Variants in ARHGAP24 observed in about 807,000 individuals in gnomAD.
ARHGAP24 encodes the protein Rho GTPase activating protein 24, also known as rho GTPase-activating protein 24.
Under a neutral mutation model 76.4 loss-of-function variants are expected in ARHGAP24, and 50 were observed. That is an observed-to-expected ratio of 0.65 (90% CI 0.52 to 0.83). The LOEUF is 0.83. Ranked by LOEUF, ARHGAP24 falls within the 40% of genes least tolerant of loss-of-function variation. The pLI is 0.00. For missense variants in ARHGAP24, 930 were observed against 914.2 expected, an observed-to-expected ratio of 1.02 and a Z score of -0.22; for synonymous variants, 345 against 323.3, an observed-to-expected ratio of 1.07 and a Z score of -0.72.
chr4:85,724,255 A>C (rs747670170), intron 3 of ARHGAP24, among the ~76,000 whole-genome samples: 2 of 152,170 alleles, frequency 1.3e-5, no homozygotes, highest in Non-Finnish European at 1.5e-5. Flanking sequence ...ACAAGTGTCT[A>C]TCTTTACGGA....
At chr4:85,752,182 A>G (rs1184055560) in intron 3 of ARHGAP24, among the ~76,000 whole-genome samples, 4 of 152,224 alleles carry the variant, frequency 2.6e-5, no homozygotes, top group Non-Finnish European at 5.9e-5. Context: ...GGTGAGTGGT[A>G]TGGGGAGTGT....
At chr4:85,507,302 G>A (rs1010830870) in intron 1 of ARHGAP24, among the ~76,000 whole-genome samples, 2 of 152,052 alleles carry the variant, frequency 1.3e-5, no homozygotes, top group Non-Finnish European at 2.9e-5. Flanking sequence ...GCTCACTGTA[G>A]CCTTAACATA....
intron 1 of ARHGAP24, among the ~76,000 whole-genome samples, chr4:85,545,203 G>A (rs1248176381): frequency 1.3e-5 from 2 of 151,980 alleles, no homozygotes; most frequent in South Asian, 2.1e-4. Context: ...GGGTTCAAGC[G>A]ATTCTCCTGC....
At chr4:85,878,283 G>C (rs1733047271) in intron 3 of ARHGAP24, among the ~76,000 whole-genome samples, 1 of 152,180 alleles carries the variant, frequency 6.6e-6, no homozygotes, top group Admixed American at 6.5e-5. Flanking sequence ...TGAGTTGAGA[G>C]TAGAATATAA....
At chr4:85,864,461 T>C (rs779474911) in intron 3 of ARHGAP24, among the ~76,000 whole-genome samples, 1 of 152,090 alleles carries the variant, frequency 6.6e-6, no homozygotes, top group Non-Finnish European at 1.5e-5. Flanking sequence ...ATTAACCATG[T>C]AAAATTTGGT....
intron 3 of ARHGAP24, among the ~76,000 whole-genome samples, chr4:85,735,003 C>T (rs778102484): frequency 6.6e-6 from 1 of 152,126 alleles, no homozygotes; most frequent in African/African-American, 2.4e-5. Flanking sequence ...TCTGTTACTA[C>T]AGAGAAACTG....
Position 86,000,479 on chromosome 4 carries a change from C to CT in ARHGAP24, c.2006dup (p.Leu669PhefsTer17). On this transcript the variant is annotated frameshift_variant and splice_region_variant, in exon 10 of 10. Coordinates refer to ENST00000395184, the MANE Select transcript of ARHGAP24 (RefSeq NM_001025616.3). LOFTEE classifies it high-confidence loss of function. ...CCACCCCCCCCAACATCCTTTGTAG[C>CT]TTAGAACAGCGAAACTTGACTTTGG... 1 of 1,257,878 alleles carries CT rather than the reference C, an allele frequency of 7.9e-7. No individual in the cohort carries two copies. The highest frequency in any genetic ancestry group is 1.1e-6 in the Non-Finnish European group (1 of 929,616). 77.9% of individuals were successfully genotyped at this position (1,257,878 alleles called of 1,614,324 possible).
chr4:85,977,630 A>G lies in ARHGAP24; in HGVS notation c.867A>G (p.Ala289=), dbSNP rs780545040. The change falls in exon 8 of 10, where the codon GCA becomes GCG. Residue 289 remains alanine (A), a synonymous_variant. Transcript: ENST00000395184. ...ACAAAATGAGTGTGCAGAACTTGGC[A>G]ACGGTCTTTGGTCCTAATATCCTGC... The part of the protein sequence containing the change: ...GVNKMSVQNL[A]TVFGPNILRP... 48 of 1,613,890 alleles carry G rather than the reference A, an allele frequency of 3.0e-5. No homozygotes were observed. Among genetic ancestry groups the G allele is most frequent in the Middle Eastern group, 1.6e-4 (1 of 6,080 alleles).
intron 1 of ARHGAP24, among the ~76,000 whole-genome samples, chr4:85,558,412 A>G (rs957399424): frequency 2.6e-5 from 4 of 152,254 alleles, no homozygotes; most frequent in African/African-American, 7.2e-5. Flanking sequence ...CATATCTAAA[A>G]CTAAAGTGTG....
intron 3 of ARHGAP24, among the ~76,000 whole-genome samples, chr4:85,886,113 A>G (rs1270213137): frequency 6.6e-6 from 1 of 152,130 alleles, no homozygotes; most frequent in African/African-American, 2.4e-5. Flanking sequence ...TTTGGAAATG[A>G]CTGAACTCAA....
intron 4 of ARHGAP24, among the ~76,000 whole-genome samples, chr4:85,932,237 G>A (rs1003977589): frequency 6.6e-6 from 1 of 151,298 alleles, no homozygotes; most frequent in Non-Finnish European, 1.5e-5. Flanking sequence ...CCATAGGATT[G>A]CATCATTGGT....
At chr4:85,744,949 A>G (rs1156433204) in intron 3 of ARHGAP24, among the ~76,000 whole-genome samples, 1 of 152,182 alleles carries the variant, frequency 6.6e-6, no homozygotes, top group Non-Finnish European at 1.5e-5. Context: ...CTAAACAGCT[A>G]GACAAGTCTA....
chr4:85,616,816 T>C (rs1038460038), intron 2 of ARHGAP24, among the ~76,000 whole-genome samples: 29 of 152,008 alleles, frequency 1.9e-4, no homozygotes, highest in Non-Finnish European at 1.0e-4. Flanking sequence ...TTAGTAGAGA[T>C]GGGGTTTCAC....
At chr4:85,535,746 A>G (rs771859880) in intron 1 of ARHGAP24, among the ~76,000 whole-genome samples, 3 of 152,166 alleles carry the variant, frequency 2.0e-5, no homozygotes, top group Non-Finnish European at 4.4e-5. Context: ...ATGTGTATGT[A>G]TGTCTATGAA....
chr4:85,829,752 A>G (rs1387902288), intron 3 of ARHGAP24, among the ~76,000 whole-genome samples: 1 of 152,250 alleles, frequency 6.6e-6, no homozygotes, highest in Non-Finnish European at 1.5e-5. Flanking sequence ...TCAACACAAG[A>G]GTATTCATCC....
At chr4:85,878,537 T>C (rs1733065615) in intron 3 of ARHGAP24, among the ~76,000 whole-genome samples, 1 of 152,176 alleles carries the variant, frequency 6.6e-6, no homozygotes, top group Non-Finnish European at 1.5e-5. Flanking sequence ...TAGCATTAAT[T>C]AATAGATGAA....
intron 3 of ARHGAP24, among the ~76,000 whole-genome samples, chr4:85,759,748 T>A (rs1345260329): frequency 9.9e-5 from 15 of 152,146 alleles, no homozygotes; most frequent in Admixed American, 9.8e-4. Flanking sequence ...GGGTGGTACA[T>A]GAAACAGACA....
intron 2 of ARHGAP24, among the ~76,000 whole-genome samples, chr4:85,719,046 A>G (rs1281284100): frequency 1.3e-5 from 2 of 152,178 alleles, no homozygotes; most frequent in Non-Finnish European, 2.9e-5. Context: ...TGAATATTAG[A>G]TGCTATGTTC....
intron 3 of ARHGAP24, among the ~76,000 whole-genome samples, chr4:85,888,155 C>A (rs1194295949): frequency 6.6e-6 from 1 of 152,096 alleles, no homozygotes; most frequent in African/African-American, 2.4e-5. Context: ...GTAATCCCAG[C>A]ATTTTGGGAG....
Sources: gnomAD v4.1 joint callset for allele counts (sites outside exome capture counted in the v4.1 genomes callset) on GRCh38, gnomAD v4.1.1 for gene constraint, MANE v1.5 for transcripts, NCBI Gene and HGNC (gene_info 2026-07-23, HGNC 2026-07-21) for gene names.